NDUFAF6: variants seen among roughly 807,000 people sequenced by gnomAD.
NDUFAF6 encodes NADH dehydrogenase (ubiquinone) complex I, assembly factor 6.
NDUFAF6 carries 45 observed loss-of-function variants against 40.8 expected under a neutral mutation model. The observed-to-expected ratio is 1.10, with a 90% CI of 0.87 to 1.42. The LOEUF (loss-of-function observed/expected upper bound fraction) is 1.42. Ranked by LOEUF, NDUFAF6 falls within the 40% of genes most tolerant of loss-of-function variation. NDUFAF6 has a pLI of 0.00. For synonymous variants in NDUFAF6, 185 were observed against 155.9 expected (o/e 1.19, Z -1.39); for missense variants, 435 against 418.5 (o/e 1.04, Z -0.34).
intron 9 of NDUFAF6, chr8:95,075,604 T>G (rs1563855399): frequency 7.8e-7 from 1 of 1,287,414 alleles, no homozygotes; most frequent in Non-Finnish European, 1.0e-6. Context: ...GTTGGCTTGG[T>G]GAATAAGTGT....
intron 1 of NDUFAF6, among the ~76,000 whole-genome samples, chr8:94,925,391 T>A (rs911857142): frequency 1.3e-5 from 2 of 152,162 alleles, no homozygotes; most frequent in Non-Finnish European, 2.9e-5. Context: ...TGGGAGAAGA[T>A]CCATTGGGAA....
intron 2 of NDUFAF6, among the ~76,000 whole-genome samples, chr8:94,990,728 G>A (rs571863457): frequency 4.1e-4 from 62 of 152,276 alleles, no homozygotes; most frequent in Non-Finnish European, 8.1e-4. Context: ...ATTTCCTCAT[G>A]ACAGGGAAAA....
At chr8:94,955,481 A>T (rs1336109272), upstream of NDUFAF6, among the ~76,000 whole-genome samples, 1 of 152,230 alleles carries the variant, frequency 6.6e-6, no homozygotes, top group African/African-American at 2.4e-5. Flanking sequence ...CCACCTGTCA[A>T]CACTGTTGCA....
intron 2 of NDUFAF6, among the ~76,000 whole-genome samples, chr8:95,092,870 A>AG (rs1376520771): frequency 6.6e-6 from 1 of 152,234 alleles, no homozygotes; most frequent in Non-Finnish European, 1.5e-5. Context: ...GGCGTTAGCC[A>AG]CCGCTCCCGG....
chr8:94,965,286 G>A (rs1823923880), intron 1 of NDUFAF6, among the ~76,000 whole-genome samples: 1 of 152,226 alleles, frequency 6.6e-6, no homozygotes, highest in Admixed American at 6.5e-5. Flanking sequence ...ATTCCAACAG[G>A]TGCAAAGACA....
chr8:94,990,013 A>T (rs560536163), intron 2 of NDUFAF6, among the ~76,000 whole-genome samples: 1 of 152,310 alleles, frequency 6.6e-6, no homozygotes, highest in Admixed American at 6.5e-5. Flanking sequence ...TACAGGTGTG[A>T]GCCACCACGC....
upstream of NDUFAF6, among the ~76,000 whole-genome samples, chr8:95,099,344 A>AAG (rs937828869): frequency 6.6e-6 from 1 of 151,444 alleles, no homozygotes; most frequent in African/African-American, 2.4e-5. Context: ...GCTGGAAAAA[A>AAG]AAAAAAGAAA....
intron 2 of NDUFAF6, among the ~76,000 whole-genome samples, chr8:95,093,225 C>T (rs538353345): frequency 1.2e-4 from 19 of 152,290 alleles, no homozygotes; most frequent in African/African-American, 4.6e-4. Context: ...GAACAATCTA[C>T]TTTATCTATG....
intron 6 of NDUFAF6, 111 bp downstream of exon 6, chr8:95,047,238 T>C: frequency 7.0e-7 from 1 of 1,435,132 alleles, no homozygotes; most frequent in Non-Finnish European, 9.6e-7. Flanking sequence ...AAAGGAATGC[T>C]TATTGCTTAC....
At chr8:94,954,867 A>G (rs954044026), upstream of NDUFAF6, among the ~76,000 whole-genome samples, 4 of 152,222 alleles carry the variant, frequency 2.6e-5, no homozygotes, top group African/African-American at 9.7e-5. Context: ...ATCTCTGAGA[A>G]GTCACTTTTT....
intron 2 of NDUFAF6, among the ~76,000 whole-genome samples, chr8:95,018,167 G>A (rs61454116): frequency 0.012 from 1,863 of 151,410 alleles, 47 homozygotes; most frequent in African/African-American, 0.042. Flanking sequence ...CAGCCTTTGA[G>A]TAGCTGGGAC....
chr8:95,078,370 G>A (rs370998724), downstream of NDUFAF6, among the ~76,000 whole-genome samples: 36 of 152,146 alleles, frequency 2.4e-4, no homozygotes, highest in East Asian at 5.8e-3. Flanking sequence ...CAGGCTGGGC[G>A]CAGTGGCTCA....
chr8:94,934,979 C>T (rs903395337), intron 1 of NDUFAF6, among the ~76,000 whole-genome samples: 1 of 151,940 alleles, frequency 6.6e-6, no homozygotes, highest in African/African-American at 2.4e-5. Flanking sequence ...ATATGTTTAG[C>T]CTCATAAAAA....
downstream of NDUFAF6, among the ~76,000 whole-genome samples, chr8:95,107,479 A>G (rs1975425): frequency 0.84 from 127,754 of 152,042 alleles, 54,181 homozygotes; most frequent in East Asian, 1. Context: ...GGCCTGTCGG[A>G]GGGGTAGGAG....
chr8:95,052,148 G>A (rs773924154), intron 7 of NDUFAF6, 26 bp from the exon 8 acceptor site: 5 of 1,612,772 alleles, frequency 3.1e-6, no homozygotes, highest in Admixed American at 3.3e-5. Flanking sequence ...AATTTTGAAC[G>A]AGCTTCCTCT....
intron 3 of NDUFAF6, 84 bp from the exon 4 acceptor site, chr8:95,041,486 G>C: frequency 2.2e-6 from 2 of 918,080 alleles, no homozygotes; most frequent in Non-Finnish European, 3.6e-6. Context: ...ACTTAGTTTT[G>C]TATTTGGTTT....
chr8:95,075,060 T>C (rs2132042818), intron 9 of NDUFAF6, among the ~76,000 whole-genome samples: 2 of 152,166 alleles, frequency 1.3e-5, no homozygotes, highest in East Asian at 3.9e-4. Context: ...TGTTGGTAGG[T>C]CAACAACGGC....
At chr8:95,115,046 A>C (rs1810100397) in intron 4 of NDUFAF6, among the ~76,000 whole-genome samples, 1 of 106,788 alleles carries the variant, frequency 9.4e-6, no homozygotes, top group Non-Finnish European at 1.8e-5. Context: ...TGGGGGATAG[A>C]GCGAGACTGT....
At chr8:94,948,302 A>T (rs1029330907) in intron 2 of NDUFAF6, among the ~76,000 whole-genome samples, 1 of 152,230 alleles carries the variant, frequency 6.6e-6, no homozygotes, top group African/African-American at 2.4e-5. Flanking sequence ...CGGGTTTCCT[A>T]TGTGTAAGAT....
Sources: gnomAD v4.1 joint callset for allele counts (sites outside exome capture counted in the v4.1 genomes callset) on GRCh38, gnomAD v4.1.1 for gene constraint, MANE v1.5 for transcripts, NCBI Gene and HGNC (gene_info 2026-07-23, HGNC 2026-07-21) for gene names.